GPC6: variants seen among roughly 807,000 people sequenced by gnomAD.
The protein encoded by GPC6 is glypican-6.
A neutral mutation model predicts 55.2 loss-of-function variants in GPC6; 14 were observed. That is an observed-to-expected ratio of 0.25 (90% CI 0.17 to 0.40). GPC6 has a LOEUF of 0.40. GPC6 is among the 10% of genes least tolerant of loss of function. GPC6 has a pLI of 1.00. For synonymous variants in GPC6, 278 were observed against 259.6 expected, an observed-to-expected ratio of 1.07 and a Z score of -0.68; for missense variants, 641 against 708.5, an observed-to-expected ratio of 0.90 and a Z score of 1.08.
At chr13:93,259,544 G>A (rs1449834551) in intron 1 of GPC6, among the ~76,000 whole-genome samples, 1 of 151,882 alleles carries the variant, frequency 6.6e-6, no homozygotes, top group African/African-American at 2.4e-5. Context: ...CATCTTTTAA[G>A]GGACTGTATC....
intron 3 of GPC6, among the ~76,000 whole-genome samples, chr13:93,994,074 T>C (rs1881430552): frequency 6.6e-6 from 1 of 152,162 alleles, no homozygotes; most frequent in South Asian, 2.1e-4. Flanking sequence ...ATTGAAAAAC[T>C]GAAGAAAGCT....
intron 1 of GPC6, among the ~76,000 whole-genome samples, chr13:93,322,377 C>T (rs541992270): frequency 1.3e-5 from 2 of 149,792 alleles, no homozygotes; most frequent in African/African-American, 2.5e-5. Flanking sequence ...TAAGTGAGAA[C>T]GTGTGGTATT....
intron 3 of GPC6, among the ~76,000 whole-genome samples, chr13:93,900,107 A>G (rs2140326174): frequency 6.6e-6 from 1 of 152,046 alleles, no homozygotes; most frequent in East Asian, 1.9e-4. Flanking sequence ...CGTGTCCTAA[A>G]TCTCTCTTCA....
chr13:93,470,163 G>T (rs1486392904), intron 1 of GPC6, among the ~76,000 whole-genome samples: 1 of 147,300 alleles, frequency 6.8e-6, no homozygotes, highest in Non-Finnish European at 1.5e-5. Flanking sequence ...TTCCCATAGA[G>T]ATTTTTTTTT....
At chr13:93,988,456 T>G (rs1337873685) in intron 3 of GPC6, among the ~76,000 whole-genome samples, 1 of 152,178 alleles carries the variant, frequency 6.6e-6, no homozygotes, top group East Asian at 1.9e-4. Flanking sequence ...CTTAATGCAT[T>G]ACGTTAAATG....
intron 4 of GPC6, among the ~76,000 whole-genome samples, chr13:94,062,192 A>G (rs187643243): frequency 5.3e-5 from 8 of 152,078 alleles, no homozygotes; most frequent in Admixed American, 2.6e-4. Flanking sequence ...TGTGTCCCAG[A>G]TTATTTAGTA....
At chr13:93,990,369 A>C (rs1881241501) in intron 3 of GPC6, among the ~76,000 whole-genome samples, 1 of 152,100 alleles carries the variant, frequency 6.6e-6, no homozygotes, top group African/African-American at 2.4e-5. Context: ...AAACACTGTG[A>C]CTTTCAGGGC....
At position 94,048,094 on chromosome 13, in the gene GPC6, G is replaced by C. The variant is rs114108652; in HGVS notation, c.877+20200G>C. ...AATAGCAAAGTTAATTTTGGTTAGA[G>C]TCATCTACAGGAAGAAAAGAAAGAT... is the stretch of plus-strand genomic sequence containing the variant. On this transcript the variant is annotated intron_variant, in intron 4 of 8. Coordinates refer to ENST00000377047, the MANE Select transcript of GPC6 (RefSeq NM_005708.5). 5.0e-3 allele frequency among the ~76,000 whole-genome samples: 757 copies of C among 151,946 alleles called. 11 individuals carry two copies. Among genetic ancestry groups the C allele is most frequent in the African/African-American group, 0.018 (726 of 41,448 alleles).
rs113878908 is a variant in GPC6, at chr13:94,049,012, G to C, written c.877+21118G>C. On this transcript the variant is annotated intron_variant, in intron 4 of 8. Coordinates refer to ENST00000377047, the MANE Select transcript of GPC6 (RefSeq NM_005708.5). ...AATCCCAGCACTTTGGGAGGCTGAGGCAGGAGGATCACTTGAACCCAGGAA... is the reference window on the plus strand; with the variant it reads ...AATCCCAGCACTTTGGGAGGCTGAGCCAGGAGGATCACTTGAACCCAGGAA... 2.0e-5 allele frequency among the ~76,000 whole-genome samples: 3 copies of C among 152,104 alleles called. No individual in the cohort carries two copies. In the East Asian group the frequency reaches 5.8e-4, roughly 30 times the overall value.
Position 93,830,536 on chromosome 13 carries a change from A to G in GPC6, c.702A>G (p.Arg234=), listed in dbSNP as rs900836959. The change falls in exon 3 of 9, where the codon CGA becomes CGG. Residue 234 remains arginine, a synonymous_variant. Transcript: ENST00000377047. ...CTGTGGGCAGAGAAGTTGCAAACCG[A>G]GTTTCCAAGGTAATTGAAAACGTGC... is the stretch of plus-strand genomic sequence containing the variant. ...GLTVGREVAN[R]VSKVSPTPGC... The G allele has an allele frequency of 5.1e-6, 8 of 1,572,590 alleles. No homozygotes were observed. The highest frequency in any genetic ancestry group is 1.4e-5 in the African/African-American group (1 of 71,820).
At chr13:93,340,022 CTTTCTTTTTT>C (rs1594105858) in intron 1 of GPC6, among the ~76,000 whole-genome samples, 1 of 84,470 alleles carries the variant, frequency 1.2e-5, no homozygotes, top group Admixed American at 1.4e-4. Flanking sequence ...CAAAAGTTTT[CTTTCTTTTTT>C]TTTTTTTTTT....
intron 3 of GPC6, among the ~76,000 whole-genome samples, chr13:93,978,513 G>A (rs1222229889): frequency 6.6e-6 from 1 of 152,126 alleles, no homozygotes. Context: ...TGTACAGGAA[G>A]ATATACAAAT....
chr13:93,505,955 T>C (rs1450378571), intron 1 of GPC6, among the ~76,000 whole-genome samples: 1 of 152,222 alleles, frequency 6.6e-6, no homozygotes, highest in African/African-American at 2.4e-5. Flanking sequence ...AGACTCGTTA[T>C]TCCCATTCCT....
At chr13:93,697,005 G>T in intron 2 of GPC6, among the ~76,000 whole-genome samples, 1 of 152,064 alleles carries the variant, frequency 6.6e-6, no homozygotes, top group Non-Finnish European at 1.5e-5. Context: ...CCTTCCTGCT[G>T]TATAGCCCAA....
At chr13:93,711,930 G>A (rs1464257092) in intron 2 of GPC6, among the ~76,000 whole-genome samples, 1 of 151,772 alleles carries the variant, frequency 6.6e-6, no homozygotes, top group Non-Finnish European at 1.5e-5. Flanking sequence ...GGATCATGGT[G>A]AGATCAAGCC....
chr13:93,266,634 G>A (rs1031001163), intron 1 of GPC6, among the ~76,000 whole-genome samples: 3 of 152,174 alleles, frequency 2.0e-5, no homozygotes, highest in African/African-American at 7.2e-5. Flanking sequence ...ATTCGGGCAT[G>A]AATATTTTGT....
intron 2 of GPC6, among the ~76,000 whole-genome samples, chr13:93,747,972 C>G (rs1480846683): frequency 6.6e-6 from 1 of 152,010 alleles, no homozygotes. Flanking sequence ...GTGCCTGGCT[C>G]ATAGTATGAC....
chr13:93,230,507 A>G (rs1360030472), intron 1 of GPC6, among the ~76,000 whole-genome samples: 1 of 152,064 alleles, frequency 6.6e-6, no homozygotes, highest in Non-Finnish European at 1.5e-5. Flanking sequence ...TGTTTGAAAA[A>G]CTTCCAAAGG....
At chr13:93,724,873 A>G (rs1240977806) in intron 2 of GPC6, among the ~76,000 whole-genome samples, 1 of 152,044 alleles carries the variant, frequency 6.6e-6, no homozygotes, top group Non-Finnish European at 1.5e-5. Context: ...TTACATCCGT[A>G]TAAATGAGAA....
Sources: gnomAD v4.1 joint callset for allele counts (sites outside exome capture counted in the v4.1 genomes callset) on GRCh38, gnomAD v4.1.1 for gene constraint, MANE v1.5 for transcripts, NCBI Gene and HGNC (gene_info 2026-07-23, HGNC 2026-07-21) for gene names.